Variants in ATAD2 observed in about 807,000 individuals in gnomAD.
ATAD2 encodes the protein ATPase family AAA domain-containing protein 2.
A neutral mutation model predicts 168.9 loss-of-function variants in ATAD2; 62 were observed. That is an observed-to-expected ratio of 0.37 (90% CI 0.30 to 0.45). ATAD2 has a LOEUF of 0.45. Ranked by LOEUF, ATAD2 falls within the 20% of genes least tolerant of loss-of-function variation. The probability of loss-of-function intolerance (pLI) is 1.00; values close to 1 mark genes in which losing one functional copy is unlikely to be tolerated. For synonymous variants in ATAD2, 613 were observed against 571.6 expected, an observed-to-expected ratio of 1.07 and a Z score of -1.03; for missense variants, 1,419 against 1,667.8, an observed-to-expected ratio of 0.85 and a Z score of 2.60.
In ATAD2 at chr8:123,403,000, G is replaced by A. The variant is rs1167777897; in HGVS notation, c.-2281-1825C>T. The stretch of plus-strand genomic sequence containing the variant: ...GTGTCGCGCTGTTCTGGAATGTGAC[G>A]AGGAAAGAGTTGATTGCTAGAGAAG... On this transcript the variant is annotated intron_variant, in intron 1 of 28. Coordinates refer to the ATAD2 transcript ENST00000521903. The surrounding 1 kb of genome is among the most constrained non-coding windows in gnomAD (Gnocchi z 4.8). Among the ~76,000 whole-genome samples the A allele has an allele frequency of 6.6e-6, 1 of 152,132 alleles. No homozygotes were observed. The highest frequency in any genetic ancestry group is 1.5e-5 in the Non-Finnish European group (1 of 68,028).
upstream of ATAD2, chr8:123,400,927 C>A: frequency 7.1e-7 from 1 of 1,400,722 alleles, no homozygotes; most frequent in Non-Finnish European, 1.0e-6. This position sits in a 1 kb window ranked among gnomAD's most constrained non-coding sequence, Gnocchi z 4.5. Flanking sequence ...CATCACGGAC[C>A]CCATGGTGCT....
At chr8:123,385,016 A>G (rs1829607425) in intron 1 of ATAD2, among the ~76,000 whole-genome samples, 1 of 152,216 alleles carries the variant, frequency 6.6e-6, no homozygotes, top group Non-Finnish European at 1.5e-5. Context: ...CAACTTGTTT[A>G]TATTTTAATT....
At chr8:123,405,516 G>A (rs376960726) in intron 1 of ATAD2, among the ~76,000 whole-genome samples, 2 of 151,818 alleles carry the variant, frequency 1.3e-5, no homozygotes, top group African/African-American at 2.4e-5. Flanking sequence ...TGCCCACCTC[G>A]GCCTTCCGAA....
In ATAD2 at chr8:123,402,949, G is replaced by A. The variant is rs948592350; in HGVS notation, c.-2281-1774C>T. ...TTGGATTTCTTTCAGGAAGTCTCCT[G>A]GTGATTCTTATCCACAGAGTGATTT... On this transcript the variant is annotated intron_variant, in intron 1 of 28. Transcript: ENST00000521903. This position sits in a 1 kb window ranked among gnomAD's most constrained non-coding sequence, Gnocchi z 4.8. 1.3e-5 allele frequency among the ~76,000 whole-genome samples: 2 copies of A among 152,140 alleles called. No individual in the cohort carries two copies. Among genetic ancestry groups the A allele is most frequent in the African/African-American group, 2.4e-5 (1 of 41,416 alleles).
intron 1 of ATAD2, among the ~76,000 whole-genome samples, chr8:123,406,416 TA>T (rs138203297): frequency 1.8e-4 from 25 of 141,946 alleles, no homozygotes; most frequent in African/African-American, 5.5e-4. Context: ...TTAATAAAAT[TA>T]AAAAAAAAAC....
intron 24 of ATAD2, among the ~76,000 whole-genome samples, chr8:123,331,167 C>T (rs1455294605): frequency 1.3e-5 from 2 of 151,338 alleles, no homozygotes; most frequent in Non-Finnish European, 2.9e-5. Context: ...TCTTGAGCTC[C>T]TGACCTCAGG....
intron 15 of ATAD2, among the ~76,000 whole-genome samples, chr8:123,347,753 T>C (rs1828299354): frequency 6.6e-6 from 1 of 152,206 alleles, no homozygotes; most frequent in Non-Finnish European, 1.5e-5. Flanking sequence ...CTCCAGCCAT[T>C]TCTTCATCTG....
intron 22 of ATAD2, among the ~76,000 whole-genome samples, chr8:123,335,084 G>A (rs1331558741): frequency 6.6e-6 from 1 of 152,152 alleles, no homozygotes; most frequent in Admixed American, 6.5e-5. Flanking sequence ...AGAAACCCTA[G>A]AGATGGGGTC....
upstream of ATAD2, chr8:123,401,092 A>G: frequency 6.5e-7 from 1 of 1,540,116 alleles, no homozygotes; most frequent in Non-Finnish European, 8.9e-7. Flanking sequence ...GGACCACACC[A>G]CCCTCCTCAG....
At chr8:123,347,042 A>G (rs1311429863) in intron 16 of ATAD2, 50 bp downstream of exon 16, 1 of 1,495,898 alleles carries the variant, frequency 6.7e-7, no homozygotes, top group Non-Finnish European at 9.1e-7. Flanking sequence ...GAAACATTTC[A>G]CTTTACTGAT....
chr8:123,366,230 C>A (rs1329568400), intron 8 of ATAD2, among the ~76,000 whole-genome samples: 1 of 151,952 alleles, frequency 6.6e-6, no homozygotes, highest in South Asian at 2.1e-4. Context: ...ACCACCTTAC[C>A]CCCGCAAAAA....
At chr8:123,377,091 CAAAAAAAAAAAAA>C (rs58655606) in intron 2 of ATAD2, among the ~76,000 whole-genome samples, 6 of 27,260 alleles carry the variant, frequency 2.2e-4, no homozygotes, top group Non-Finnish European at 3.4e-4. Context: ...GACTCCGTCT[CAAAAAAAAAAAAA>C]AAAAAAAAGA....
Position 123,336,462 on chromosome 8 carries a change from T to C in ATAD2, c.3122A>G (p.His1041Arg). 1 of 1,575,350 alleles carries C rather than the reference T, an allele frequency of 6.3e-7. No individual in the cohort carries two copies. Among genetic ancestry groups the C allele is most frequent in the Non-Finnish European group, 8.6e-7 (1 of 1,166,826 alleles). The change falls in exon 22 of 28, where the codon CAC (histidine) becomes CGC (arginine). Residue 1041 changes from histidine to arginine, a missense_variant. This residue lies in a region of ATAD2 where 545 missense variants were observed against 724.9 expected (regional missense o/e 0.75). Coordinates refer to ENST00000287394, the MANE Select transcript of ATAD2 (RefSeq NM_014109.4). ...LSSVISKIDL[H>R]KYLTVKDYLR... is the part of the protein sequence containing the mutation. ...ATAGTCTTTCACAGTCAGATACTTGTGTAGATCAATTTTACTGATTACAGA... is the reference window on the plus strand; with the variant it reads ...ATAGTCTTTCACAGTCAGATACTTGCGTAGATCAATTTTACTGATTACAGA...
At chr8:123,323,532 T>C (rs987240107) in intron 26 of ATAD2, among the ~76,000 whole-genome samples, 1 of 152,206 alleles carries the variant, frequency 6.6e-6, no homozygotes, top group South Asian at 2.1e-4. Flanking sequence ...GTGTTTTTTT[T>C]CTCATGACTA....
At chr8:123,396,149 G>A (rs996359319) in intron 1 of ATAD2, 38 bp downstream of exon 1, 4 of 1,520,330 alleles carry the variant, frequency 2.6e-6, no homozygotes, top group African/African-American at 1.4e-5. Context: ...AGTCCCCCCG[G>A]GAACCGCCCT....
intron 19 of ATAD2, 97 bp from the exon 20 acceptor site, chr8:123,339,543 G>C: frequency 8.7e-7 from 1 of 1,151,634 alleles, no homozygotes; most frequent in African/African-American, 1.6e-5. Context: ...ACAGCAGCAT[G>C]AAAGTGACAT....
chr8:123,396,282 T>C lies in ATAD2; in HGVS notation c.76A>G (p.Ser26Gly). The C allele has an allele frequency of 6.2e-7, 1 of 1,611,520 alleles. No individual in the cohort carries two copies. The highest frequency in any genetic ancestry group is 8.5e-7 in the Non-Finnish European group (1 of 1,179,620). ...ASATGSLDLS[S>G]DFLSLEHIGR... ...ATGTGCTCCAGACTGAGGAAGTCACTGGACAGGTCCAAGGAGCCCGTGGCC... is the reference window on the plus strand; with the variant it reads ...ATGTGCTCCAGACTGAGGAAGTCACCGGACAGGTCCAAGGAGCCCGTGGCC... Residue 26 changes from serine (S) to glycine (G), a missense_variant, in exon 1 of 28, where the codon AGT becomes GGT. Ser to Gly is a moderately conservative substitution (Grantham distance 56). Coordinates refer to ENST00000287394, the MANE Select transcript of ATAD2 (RefSeq NM_014109.4).
intron 2 of ATAD2, among the ~76,000 whole-genome samples, chr8:123,380,272 T>G (rs960528162): frequency 6.6e-6 from 1 of 151,128 alleles, no homozygotes; most frequent in African/African-American, 2.4e-5. Context: ...AGGCTGGTCT[T>G]GAACTCCTGA....
At chr8:123,361,426 T>C (rs1370973837) in intron 9 of ATAD2, 113 bp downstream of exon 9, 1 of 722,188 alleles carries the variant, frequency 1.4e-6, no homozygotes, top group East Asian at 2.6e-5. Flanking sequence ...CATTAACCTG[T>C]TGTGCAACTT....
Sources: allele counts gnomAD v4.1 joint callset (sites outside exome capture counted in the v4.1 genomes callset), GRCh38; gene constraint gnomAD v4.1.1; regional missense constraint gnomAD v4.1.1; non-coding constraint Gnocchi (gnomAD v3.1); transcripts MANE v1.5; gene names NCBI Gene and HGNC (gene_info 2026-07-23, HGNC 2026-07-21).